The following RASGEF1C variants were observed in gnomAD, a reference collection of about 807,000 sequenced individuals.
RASGEF1C encodes the protein ras-GEF domain-containing family member 1C.
RASGEF1C carries 27 observed loss-of-function variants against 58.1 expected under a neutral mutation model. That is an observed-to-expected ratio of 0.46 (90% CI 0.34 to 0.64). RASGEF1C has a LOEUF of 0.64. Ranked by LOEUF, RASGEF1C falls within the 30% of genes least tolerant of loss-of-function variation. The probability of loss-of-function intolerance (pLI) is 0.01; values close to 1 mark genes in which losing one functional copy is unlikely to be tolerated. For synonymous variants in RASGEF1C, 243 were observed against 246.3 expected (o/e 0.99, Z 0.13); for missense variants, 502 against 605.1 (o/e 0.83, Z 1.79).
rs1223204432 is a variant in RASGEF1C at position 180,198,811 on chromosome 5, T to G, written c.-7+10217A>C. On this transcript the variant is annotated intron_variant, in intron 1 of 13. Transcript: ENST00000361132. The surrounding 1 kb of genome is among the most constrained non-coding windows in gnomAD (Gnocchi z 4.5). ...CATGACCTGGGCACCTTCTGCTGCT[T>G]CTGGGATCCTTTAGGGGGTCCTGCA... Among the ~76,000 whole-genome samples the G allele has an allele frequency of 6.6e-6, 1 of 152,180 alleles. No individual in the cohort carries two copies. Among genetic ancestry groups the G allele is most frequent in the East Asian group, 1.9e-4 (1 of 5,200 alleles).
intron 1 of RASGEF1C, among the ~76,000 whole-genome samples, chr5:180,165,336 G>C (rs908539295): frequency 6.6e-6 from 1 of 152,078 alleles, no homozygotes; most frequent in Non-Finnish European, 1.5e-5. Context: ...GCAGGTTTAG[G>C]TTCATGGCAA....
At chr5:180,112,374 A>G (rs1228537467) in intron 11 of RASGEF1C, among the ~76,000 whole-genome samples, 3 of 152,192 alleles carry the variant, frequency 2.0e-5, no homozygotes, top group African/African-American at 7.2e-5. Context: ...TCCAGGCCCA[A>G]GCGTCTGGCC....
chr5:180,132,788 G>A (rs1357219986), intron 4 of RASGEF1C, among the ~76,000 whole-genome samples: 3 of 152,118 alleles, frequency 2.0e-5, no homozygotes, highest in South Asian at 2.1e-4. Flanking sequence ...GGCCAACATA[G>A]TGAAACCCTG....
intron 12 of RASGEF1C, among the ~76,000 whole-genome samples, chr5:180,105,643 G>A (rs1245839856): frequency 4.6e-5 from 7 of 151,754 alleles, no homozygotes; most frequent in Admixed American, 2.0e-4. Flanking sequence ...TGAGGCTGGT[G>A]GATCACTTGA....
intron 12 of RASGEF1C, among the ~76,000 whole-genome samples, chr5:180,108,300 C>G (rs1765902400): frequency 6.6e-6 from 1 of 150,686 alleles, no homozygotes; most frequent in Non-Finnish European, 1.5e-5. Context: ...CTCTTTGGTT[C>G]AAGTGATTGT....
In RASGEF1C at chr5:180,195,488, C is replaced by T. The variant is rs538903682; in HGVS notation, c.-7+13540G>A. The stretch of plus-strand genomic sequence containing the variant: ...TGTCAAAAAGCACAAGGGCCGGGCA[C>T]GGTGGCTCACGCCTGTAATCCCAGC... On this transcript the variant is annotated intron_variant, in intron 1 of 13. Coordinates refer to ENST00000361132, the MANE Select transcript of RASGEF1C (RefSeq NM_175062.4). Among the ~76,000 whole-genome samples, 13 of 152,312 alleles carry T rather than the reference C, an allele frequency of 8.5e-5. No homozygotes were observed. In the South Asian group the frequency reaches 1.9e-3, roughly 22 times the overall value.
chr5:180,204,034 T>C (rs1326283468), intron 1 of RASGEF1C, among the ~76,000 whole-genome samples: 1 of 139,748 alleles, frequency 7.2e-6, no homozygotes, highest in African/African-American at 2.7e-5. Context: ...AACAACAAAG[T>C]GAAATCTGGG....
chr5:180,161,426 G>A (rs1766942278), intron 1 of RASGEF1C, among the ~76,000 whole-genome samples: 1 of 152,208 alleles, frequency 6.6e-6, no homozygotes, highest in Non-Finnish European at 1.5e-5. Flanking sequence ...CAGCCCCGGC[G>A]ACACGAGGAG....
At chr5:180,128,940 C>A (rs931881114) in intron 4 of RASGEF1C, among the ~76,000 whole-genome samples, 1 of 152,182 alleles carries the variant, frequency 6.6e-6, no homozygotes, top group Non-Finnish European at 1.5e-5. Context: ...GGGGTGGGCA[C>A]GGCCAGGAAG....
chr5:180,170,702 C>T (rs755316613), intron 1 of RASGEF1C, among the ~76,000 whole-genome samples: 1 of 152,224 alleles, frequency 6.6e-6, no homozygotes, highest in Non-Finnish European at 1.5e-5. Flanking sequence ...TCCCTTTACC[C>T]CAGTCCTGCA....
intron 1 of RASGEF1C, among the ~76,000 whole-genome samples, chr5:180,206,869 C>A (rs1756498512): frequency 1.3e-5 from 2 of 152,178 alleles, no homozygotes; most frequent in South Asian, 4.1e-4. Context: ...GCTTAAATGA[C>A]TTGTTTTGCA....
chr5:180,101,708 G>A (rs1272551956), intron 13 of RASGEF1C, among the ~76,000 whole-genome samples, 183 bp from the exon 14 acceptor site: 4 of 152,200 alleles, frequency 2.6e-5, no homozygotes, highest in South Asian at 2.1e-4. Context: ...ATTTCCGACC[G>A]CCACTTGGAC....
At chr5:180,203,362 A>G (rs900149170) in intron 1 of RASGEF1C, among the ~76,000 whole-genome samples, 35 of 152,246 alleles carry the variant, frequency 2.3e-4, no homozygotes, top group African/African-American at 7.7e-4. Context: ...ATGCTGGGGA[A>G]GCCCATGTGA....
chr5:180,115,140 G>A (rs147476706), intron 10 of RASGEF1C: 3,604 of 296,856 alleles, frequency 0.012, 123 homozygotes, highest in African/African-American at 0.071. Context: ...TCAGCCTCCC[G>A]AGTAGCTGGG....
chr5:180,187,131 T>C (rs1756058070), intron 1 of RASGEF1C, among the ~76,000 whole-genome samples: 1 of 152,156 alleles, frequency 6.6e-6, no homozygotes, highest in Non-Finnish European at 1.5e-5. Context: ...TACTGGCCAG[T>C]TGATTTTTGA....
intron 4 of RASGEF1C, among the ~76,000 whole-genome samples, chr5:180,129,510 GC>G (rs1179521081): frequency 9.2e-5 from 14 of 152,030 alleles, no homozygotes; most frequent in African/African-American, 1.7e-4. Flanking sequence ...CCTGGCTGAG[GC>G]CCCCCCAGAG....
At chr5:180,144,257 A>T (rs115903127) in intron 1 of RASGEF1C, among the ~76,000 whole-genome samples, 2,194 of 151,932 alleles carry the variant, frequency 0.014, 57 homozygotes, top group African/African-American at 0.051. Context: ...AGCTGGGGCG[A>T]CCCTCTACCT....
chr5:180,172,670 C>T (rs1006172339), intron 1 of RASGEF1C, among the ~76,000 whole-genome samples: 3 of 152,134 alleles, frequency 2.0e-5, no homozygotes, highest in Admixed American at 1.3e-4. Context: ...CCCAGAGCTT[C>T]GGGCTCCCAG....
At chr5:180,105,345 G>C (rs772010272) in intron 12 of RASGEF1C, among the ~76,000 whole-genome samples, 3 of 147,282 alleles carry the variant, frequency 2.0e-5, no homozygotes. Flanking sequence ...GGCAGATCAC[G>C]AGGTCAGGAG....
Sources: allele counts gnomAD v4.1 joint callset (sites outside exome capture counted in the v4.1 genomes callset), GRCh38; gene constraint gnomAD v4.1.1; non-coding constraint Gnocchi (gnomAD v3.1); transcripts MANE v1.5; gene names NCBI Gene and HGNC (gene_info 2026-07-23, HGNC 2026-07-21).